The following CWC27 variants were observed in gnomAD, a reference collection of about 807,000 sequenced individuals.
CWC27 encodes the protein spliceosome-associated protein CWC27 homolog.
A neutral mutation model predicts 63.6 loss-of-function variants in CWC27; 47 were observed. That is an observed-to-expected ratio of 0.74 (90% CI 0.58 to 0.94). The LOEUF (loss-of-function observed/expected upper bound fraction) is 0.94. Among genes scored for constraint, CWC27 ranks in the 40% least tolerant of loss-of-function variants. The pLI is 0.00. For synonymous variants in CWC27, 175 were observed against 179.8 expected, an observed-to-expected ratio of 0.97 and a Z score of 0.22; for missense variants, 495 against 554.3, an observed-to-expected ratio of 0.89 and a Z score of 1.07.
At chr5:64,835,922 G>T (rs973212781) in intron 10 of CWC27, among the ~76,000 whole-genome samples, 1 of 151,726 alleles carries the variant, frequency 6.6e-6, no homozygotes, top group Non-Finnish European at 1.5e-5. Context: ...TGAAATGTGA[G>T]CAATCAAACT....
chr5:64,806,729 C>G (rs1442164682), intron 10 of CWC27, among the ~76,000 whole-genome samples: 1 of 152,114 alleles, frequency 6.6e-6, no homozygotes, highest in Non-Finnish European at 1.5e-5. Context: ...GTAATCCCAG[C>G]TGCTCAGCAG....
At chr5:65,004,596 G>C (rs1302680951) in intron 13 of CWC27, among the ~76,000 whole-genome samples, 1 of 149,858 alleles carries the variant, frequency 6.7e-6, no homozygotes, top group African/African-American at 2.4e-5. Context: ...TCATGAATTT[G>C]TTTTCTGATT....
At chr5:64,832,250 C>A (rs1367381680) in intron 10 of CWC27, among the ~76,000 whole-genome samples, 2 of 141,778 alleles carry the variant, frequency 1.4e-5, no homozygotes, top group African/African-American at 5.4e-5. Context: ...GTTGATACAT[C>A]TTGTTCTGTA....
At chr5:64,947,858 T>A (rs554861035) in intron 11 of CWC27, among the ~76,000 whole-genome samples, 1 of 152,216 alleles carries the variant, frequency 6.6e-6, no homozygotes, top group South Asian at 2.1e-4. Flanking sequence ...ATGTTCATTT[T>A]GGGCATTATC....
intron 10 of CWC27, among the ~76,000 whole-genome samples, chr5:64,840,387 AAAAAAAAATATATATATATATATATAT>A (rs1224376107): frequency 0.034 from 1,781 of 52,872 alleles, 103 homozygotes; most frequent in Non-Finnish European, 0.051. Flanking sequence ...AAAAAAAAAA[AAAAAAAAATATATATATATATATATAT>A]ATATATATAT....
chr5:64,912,360 A>G (rs557035553), intron 11 of CWC27, among the ~76,000 whole-genome samples: 3 of 152,310 alleles, frequency 2.0e-5, no homozygotes, highest in East Asian at 3.9e-4. Context: ...CAACAAATAG[A>G]AAGAGTCCTA....
chr5:64,854,981 G>A (rs1746217938), intron 10 of CWC27, among the ~76,000 whole-genome samples: 1 of 152,064 alleles, frequency 6.6e-6, no homozygotes, highest in Non-Finnish European at 1.5e-5. Flanking sequence ...AGTTTAGTAT[G>A]TCTAGAATTG....
At chr5:64,939,515 G>A (rs56289746) in intron 11 of CWC27, among the ~76,000 whole-genome samples, 15,893 of 152,182 alleles carry the variant, frequency 0.1, 1,056 homozygotes, top group Non-Finnish European at 0.15. Context: ...GAACCCGCCA[G>A]ATGCCAGCTG....
At chr5:64,845,723 C>T (rs1014659034) in intron 10 of CWC27, among the ~76,000 whole-genome samples, 1 of 152,070 alleles carries the variant, frequency 6.6e-6, no homozygotes, top group Non-Finnish European at 1.5e-5. Flanking sequence ...ATGAAGAAAG[C>T]TTATGGGACT....
chr5:64,914,753 T>A (rs62370963), intron 11 of CWC27, among the ~76,000 whole-genome samples: 1 of 152,008 alleles, frequency 6.6e-6, no homozygotes, highest in African/African-American at 2.4e-5. Flanking sequence ...TCACTGATTC[T>A]ACCGTTACAT....
chr5:64,774,500 A>G (rs1743371115), intron 1 of CWC27, among the ~76,000 whole-genome samples, 191 bp from the exon 2 acceptor site: 1 of 152,208 alleles, frequency 6.6e-6, no homozygotes, highest in Non-Finnish European at 1.5e-5. Context: ...GGTATTTTGA[A>G]AGATCTAAAT....
chr5:64,955,506 A>G (rs187376495), intron 11 of CWC27, among the ~76,000 whole-genome samples: 15 of 152,270 alleles, frequency 9.9e-5, no homozygotes, highest in African/African-American at 3.4e-4. Context: ...TTGCTAGCCT[A>G]CAATTCACAG....
At chr5:64,857,873 C>G (rs1178035984) in intron 10 of CWC27, among the ~76,000 whole-genome samples, 1 of 152,140 alleles carries the variant, frequency 6.6e-6, no homozygotes, top group Non-Finnish European at 1.5e-5. Context: ...CGCGGTGGCT[C>G]ACGCTTGTAA....
At chr5:65,003,455 A>T in intron 13 of CWC27, among the ~76,000 whole-genome samples, 1 of 149,328 alleles carries the variant, frequency 6.7e-6, no homozygotes, top group Non-Finnish European at 1.5e-5. Context: ...GTAATGTTAG[A>T]CTCCTTTCTC....
At chr5:64,917,270 T>C (rs1057179626) in intron 11 of CWC27, among the ~76,000 whole-genome samples, 2 of 152,292 alleles carry the variant, frequency 1.3e-5, no homozygotes, top group East Asian at 3.9e-4. Context: ...TGCATACATA[T>C]TGTGACTAGT....
At chr5:65,008,061 T>G (rs1484390518) in intron 13 of CWC27, among the ~76,000 whole-genome samples, 2 of 152,242 alleles carry the variant, frequency 1.3e-5, no homozygotes, top group African/African-American at 4.8e-5. Context: ...TGTATATGTA[T>G]GAATGTATTC....
chr5:64,992,571 G>T (rs751829004), intron 13 of CWC27, among the ~76,000 whole-genome samples: 1 of 149,594 alleles, frequency 6.7e-6, no homozygotes, highest in African/African-American at 2.5e-5. Context: ...TCGCTCTGTT[G>T]CCCAGGCTGC....
intron 10 of CWC27, among the ~76,000 whole-genome samples, chr5:64,813,385 C>CA (rs1744941847): frequency 6.6e-6 from 1 of 152,002 alleles, no homozygotes; most frequent in Admixed American, 6.6e-5. Flanking sequence ...ACCTTCAAAA[C>CA]AAACAAACAA....
intron 11 of CWC27, among the ~76,000 whole-genome samples, chr5:64,922,439 T>C (rs1369720467): frequency 6.6e-6 from 1 of 152,250 alleles, no homozygotes; most frequent in Non-Finnish European, 1.5e-5. Context: ...GCTTCTGTTG[T>C]ATTTTGAAAT....
Sources: allele counts gnomAD v4.1 joint callset (sites outside exome capture counted in the v4.1 genomes callset), GRCh38; gene constraint gnomAD v4.1.1; transcripts MANE v1.5; gene names NCBI Gene and HGNC (gene_info 2026-07-23, HGNC 2026-07-21).